The following MCF2 variants were observed in gnomAD, a reference collection of about 807,000 sequenced individuals.
MCF2 encodes proto-oncogene DBL.
A neutral mutation model predicts 82.5 loss-of-function variants in MCF2; 44 were observed. The ratio of observed to expected loss-of-function variants is 0.53; its 90% confidence interval spans 0.42 to 0.69. The LOEUF (loss-of-function observed/expected upper bound fraction) is 0.69, where lower values mean the gene tolerates loss of function less well. Among genes scored for constraint, MCF2 ranks in the 30% least tolerant of loss-of-function variants. MCF2 has a pLI of 0.00. For synonymous variants in MCF2, 217 were observed against 224.9 expected, an observed-to-expected ratio of 0.96 and a Z score of 0.32; for missense variants, 623 against 663.1, an observed-to-expected ratio of 0.94 and a Z score of 0.66.
chrX:139,593,293 G>C (rs1294684481), intron 19 of MCF2, among the ~76,000 whole-genome samples: 1 of 109,717 alleles, frequency 9.1e-6, no homozygotes, highest in Non-Finnish European at 1.9e-5. Context: ...TTCTTTATTA[G>C]TCTTGCTAGC....
chrX:139,629,631 T>A, intron 4 of MCF2, 64 bp downstream of exon 7: 1 of 1,048,732 alleles, frequency 9.5e-7, no homozygotes, highest in South Asian at 2.1e-5. Flanking sequence ...AAAATGGAGA[T>A]AATAAACACC....
intron 1 of MCF2, among the ~76,000 whole-genome samples, chrX:139,678,467 T>G (rs1383095490): frequency 8.9e-6 from 1 of 111,927 alleles, no homozygotes; most frequent in Admixed American, 9.5e-5. Context: ...AAAAACTGAT[T>G]AATTATGCTA....
chrX:139,616,526 A>C, intron 8 of MCF2, 53 bp from the exon 12 acceptor site: 3 of 783,711 alleles, frequency 3.8e-6, no homozygotes, highest in Non-Finnish European at 5.3e-6. Context: ...TAAAGAGAAA[A>C]CATATTTGTC....
rs148947345 is a variant in MCF2 at position 139,701,361 on chromosome X, G to C, written c.-45+6745C>G. On this transcript the variant is annotated intron_variant, in intron 1 of 27. Coordinates refer to the MCF2 transcript ENST00000414978. ...ATTAATCAATCAAACACTAATCTGG[G>C]TGTCGCTGTAAGGTTTTTGTAGATA... Among the ~76,000 whole-genome samples the C allele has an allele frequency of 6.0e-3, 672 of 112,026 alleles. 4 individuals are homozygous for C. The highest frequency in any genetic ancestry group is 0.02 in the African/African-American group (616 of 30,842).
intron 1 of MCF2, among the ~76,000 whole-genome samples, chrX:139,680,112 ATTTT>A (rs1184878912): frequency 9.0e-6 from 1 of 111,231 alleles, no homozygotes; most frequent in Non-Finnish European, 1.9e-5. Context: ...ATCTTTACTT[ATTTT>A]TTATTATTTT....
upstream of MCF2, chrX:139,645,661 G>C: frequency 9.0e-7 from 1 of 1,110,340 alleles, no homozygotes; most frequent in Non-Finnish European, 1.2e-6. Flanking sequence ...CATTTTGCCT[G>C]AACGATAAGA....
At chrX:139,668,335 G>C (rs903789414) in intron 1 of MCF2, among the ~76,000 whole-genome samples, 5 of 111,836 alleles carry the variant, frequency 4.5e-5, no homozygotes, top group Admixed American at 9.5e-5. Flanking sequence ...ACTGCAAATA[G>C]TGTCTTGATG....
At chrX:139,598,945 G>T (rs1207826663) in intron 16 of MCF2, among the ~76,000 whole-genome samples, 1 of 110,391 alleles carries the variant, frequency 9.1e-6, no homozygotes, top group Non-Finnish European at 1.9e-5. Context: ...AATATAACAA[G>T]AAAAAGCCAT....
In MCF2 at chrX:139,598,399, T is replaced by A. The variant is rs749468590; in HGVS notation, c.1929+7A>T. ...TAAAGAAACAAACAAATGCTTCATA[T>A]AATTACCTTCAACAATAACTGATAT... On this transcript the variant is annotated splice_region_variant and intron_variant, in intron 17 of 24. Coordinates refer to ENST00000370576, the Ensembl canonical transcript of MCF2. 8 of 1,093,200 alleles carry A rather than the reference T, an allele frequency of 7.3e-6. No homozygotes were observed. Among genetic ancestry groups the A allele is most frequent in the Non-Finnish European group, 1.0e-5 (8 of 796,692 alleles). 90.1% of individuals were successfully genotyped at this position (1,093,200 alleles called of 1,213,427 possible).
At chrX:139,617,670 T>C (rs1221968708) in exon 8 of MCF2, 1 of 1,195,503 alleles carries the variant, frequency 8.4e-7, no homozygotes, top group Non-Finnish European at 1.1e-6. Flanking sequence ...CTTGTGTCCA[T>C]GTAATATCAC....
intron 1 of MCF2, among the ~76,000 whole-genome samples, chrX:139,639,630 C>T (rs1465703576): frequency 9.0e-6 from 1 of 111,673 alleles, no homozygotes. Context: ...GTAACAACAA[C>T]AATAACAACA....
At chrX:139,675,661 G>A (rs1934844145) in intron 1 of MCF2, among the ~76,000 whole-genome samples, 1 of 112,254 alleles carries the variant, frequency 8.9e-6, no homozygotes, top group Non-Finnish European at 1.9e-5. Flanking sequence ...TTGCAGAACA[G>A]CAAATATTGA....
At chrX:139,583,836 G>C (rs772291789) in intron 24 of MCF2, among the ~76,000 whole-genome samples, 1 of 111,579 alleles carries the variant, frequency 9.0e-6, no homozygotes, top group East Asian at 2.8e-4. Context: ...GGATGTAAAG[G>C]CTTCTTTCAT....
chrX:139,693,266 A>C (rs1423124654), intron 1 of MCF2, among the ~76,000 whole-genome samples: 1 of 111,530 alleles, frequency 9.0e-6, no homozygotes, highest in Non-Finnish European at 1.9e-5. Flanking sequence ...GATTCGCCCC[A>C]ATTTTGCTCT....
exon 7 of MCF2, chrX:139,619,684 A>G: frequency 8.5e-7 from 1 of 1,179,783 alleles, no homozygotes; most frequent in Non-Finnish European, 1.1e-6. Flanking sequence ...TTGGTTTAAT[A>G]GAAATTCAAC....
chrX:139,707,019 C>T (rs925400975), intron 1 of MCF2, among the ~76,000 whole-genome samples: 7 of 109,799 alleles, frequency 6.4e-5, no homozygotes, highest in Non-Finnish European at 9.5e-5. Flanking sequence ...AATAATGATC[C>T]GATACAGGAG....
intron 23 of MCF2, among the ~76,000 whole-genome samples, chrX:139,585,949 G>A (rs914930304): frequency 1.8e-5 from 2 of 111,843 alleles, no homozygotes; most frequent in Admixed American, 9.5e-5. Flanking sequence ...TTAAACCAAC[G>A]GTAAGTGAAA....
chrX:139,670,143 C>T (rs979803144), intron 1 of MCF2, among the ~76,000 whole-genome samples: 3 of 105,769 alleles, frequency 2.8e-5, no homozygotes, highest in Admixed American at 9.8e-5. Context: ...CTTTTTTCCA[C>T]TTATCTTTTC....
chrX:139,582,332 C>T (rs1793930732), exon 25 of MCF2: 2 of 577,971 alleles, frequency 3.5e-6, no homozygotes, highest in Non-Finnish European at 6.0e-6. Flanking sequence ...GAAGTATGTG[C>T]TGTGGTTTCT....
Sources: gnomAD v4.1 joint callset for allele counts (sites outside exome capture counted in the v4.1 genomes callset) on GRCh38, gnomAD v4.1.1 for gene constraint, MANE v1.5 for transcripts, NCBI Gene and HGNC (gene_info 2026-07-23, HGNC 2026-07-21) for gene names.